Variants in LDLRAD4 observed in about 807,000 individuals in gnomAD.
The protein encoded by LDLRAD4 is low density lipoprotein receptor class A domain containing 4.
In LDLRAD4, 5 loss-of-function variants were observed where a neutral mutation model predicts 17.0. That is an observed-to-expected ratio of 0.29 (90% CI 0.15 to 0.62). LDLRAD4 has a LOEUF of 0.62. Among genes scored for constraint, LDLRAD4 ranks in the 20% least tolerant of loss-of-function variants. LDLRAD4 has a pLI of 0.84. For missense variants in LDLRAD4, 340 were observed against 424.7 expected, an observed-to-expected ratio of 0.80 and a Z score of 1.75; for synonymous variants, 168 against 171.8, an observed-to-expected ratio of 0.98 and a Z score of 0.17.
intron 3 of LDLRAD4, among the ~76,000 whole-genome samples, chr18:13,555,147 G>A (rs1394355553): frequency 6.6e-6 from 1 of 152,192 alleles, no homozygotes; most frequent in Non-Finnish European, 1.5e-5. Flanking sequence ...GCCAAGAGGA[G>A]CCTAAGGAGA....
At chr18:13,539,839 A>G (rs1358719352) in intron 3 of LDLRAD4, among the ~76,000 whole-genome samples, 1 of 152,246 alleles carries the variant, frequency 6.6e-6, no homozygotes, top group Non-Finnish European at 1.5e-5. Flanking sequence ...ATAGTGCATA[A>G]AAAAGAAGTG....
chr18:13,419,429 T>C (rs1473793765), intron 2 of LDLRAD4: 1 of 152,102 alleles, frequency 6.6e-6, no homozygotes, highest in Non-Finnish European at 1.5e-5. Flanking sequence ...TTAGAGACAA[T>C]CTTGCTCCTT....
chr18:13,623,035 G>A (rs891952758), intron 4 of LDLRAD4, among the ~76,000 whole-genome samples: 1 of 152,188 alleles, frequency 6.6e-6, no homozygotes, highest in African/African-American at 2.4e-5. Context: ...TGTTCCTGGT[G>A]CAGACCCAGC....
At chr18:13,253,101 T>G (rs937314647) in intron 1 of LDLRAD4, among the ~76,000 whole-genome samples, 1 of 152,130 alleles carries the variant, frequency 6.6e-6, no homozygotes, top group Non-Finnish European at 1.5e-5. Flanking sequence ...GATACAAATG[T>G]GTGATCACAT....
chr18:13,512,790 C>T (rs952401790), intron 3 of LDLRAD4, among the ~76,000 whole-genome samples: 1 of 152,138 alleles, frequency 6.6e-6, no homozygotes, highest in African/African-American at 2.4e-5. Context: ...CGATACTGTC[C>T]TGGGTATTAC....
chr18:13,597,915 C>T (rs745446350), intron 3 of LDLRAD4, among the ~76,000 whole-genome samples: 1 of 152,218 alleles, frequency 6.6e-6, no homozygotes, highest in Non-Finnish European at 1.5e-5. Flanking sequence ...TTTGATGCAA[C>T]AATGCCATTT....
At chr18:13,279,474 A>G (rs1311266052) in intron 1 of LDLRAD4, 2 of 152,218 alleles carry the variant, frequency 1.3e-5, no homozygotes, top group Non-Finnish European at 2.9e-5. Flanking sequence ...GACCCACCAA[A>G]AACTAGCACT....
Position 13,501,326 on chromosome 18 carries a change from T to C in LDLRAD4, c.181+62942T>C, listed in dbSNP as rs2093610568. The C allele has an allele frequency of 2.6e-5, 4 of 152,238 alleles. No homozygotes were observed. The South Asian group carries it at 6.2e-4, about 24-fold the overall frequency. 9.4% of individuals were successfully genotyped at this position (152,238 alleles called of 1,614,324 possible). ...CTGCAGTAGAAATATTTACCCGATG[T>C]GTCCTGCCAGTGAGAGAGATTTTGG... On this transcript the variant is annotated intron_variant, in intron 3 of 5. Coordinates refer to ENST00000359446, the Ensembl canonical transcript of LDLRAD4.
intron 1 of LDLRAD4, among the ~76,000 whole-genome samples, chr18:13,303,205 C>T (rs1233465187): frequency 1.3e-5 from 2 of 152,206 alleles, no homozygotes; most frequent in Non-Finnish European, 2.9e-5. Flanking sequence ...GATGTCTCGT[C>T]AGATCCGTTG....
exon 6 of LDLRAD4, chr18:13,649,714 T>C (rs918986732): frequency 8.7e-6 from 2 of 230,410 alleles, no homozygotes; most frequent in African/African-American, 2.2e-5. Flanking sequence ...CCATTCATTT[T>C]TTAAAAATTT....
rs1164119537 is a variant in LDLRAD4 at position 13,398,513 on chromosome 18, G to A, written c.40+10751G>A. The stretch of plus-strand genomic sequence containing the variant: ...TCAGAAGAGCTCAGATTTGAGTGTG[G>A]GTCTTGATGGGAAGTAGGAGAGCAG... On this transcript the variant is annotated intron_variant, in intron 2 of 5. Transcript: ENST00000359446. This position sits in a 1 kb window ranked among gnomAD's most constrained non-coding sequence, Gnocchi z 4.8. Among the ~76,000 whole-genome samples the A allele has an allele frequency of 6.6e-6, 1 of 152,178 alleles. No homozygotes were observed. Among genetic ancestry groups the A allele is most frequent in the Admixed American group, 6.5e-5 (1 of 15,280 alleles).
chr18:13,283,792 C>A (rs2045435066), intron 1 of LDLRAD4, among the ~76,000 whole-genome samples: 2 of 152,156 alleles, frequency 1.3e-5, no homozygotes, highest in African/African-American at 4.8e-5. Flanking sequence ...ACCATATTCA[C>A]CCTGCTGATA....
chr18:13,375,037 G>A (rs750561896), intron 1 of LDLRAD4, among the ~76,000 whole-genome samples: 2 of 152,214 alleles, frequency 1.3e-5, no homozygotes, highest in African/African-American at 4.8e-5. Context: ...ATCTTTACCC[G>A]GTTTTTGGCG....
chr18:13,618,153 G>T (rs1299932420), intron 3 of LDLRAD4, among the ~76,000 whole-genome samples: 1 of 152,242 alleles, frequency 6.6e-6, no homozygotes, highest in Non-Finnish European at 1.5e-5. Flanking sequence ...GCCAGTGCAC[G>T]TGTGTTCTTG....
rs1463679913 is a variant in LDLRAD4, at chr18:13,440,765, A to G, written c.181+2381A>G. Among the ~76,000 whole-genome samples the G allele has an allele frequency of 6.6e-6, 1 of 151,424 alleles. No homozygotes were observed. The highest frequency in any genetic ancestry group is 6.6e-5 in the Admixed American group (1 of 15,220). On this transcript the variant is annotated intron_variant, in intron 3 of 5. Transcript: ENST00000359446. This position sits in a 1 kb window ranked among gnomAD's most constrained non-coding sequence, Gnocchi z 4.4. ...TCATCGTGTTGCAGTTGCCATCTCC[A>G]CTCCCCACGTGGCCCTTCCTGGGGA...
At chr18:13,307,141 CACTT>C (rs2046960832) in intron 1 of LDLRAD4, among the ~76,000 whole-genome samples, 1 of 152,128 alleles carries the variant, frequency 6.6e-6, no homozygotes, top group African/African-American at 2.4e-5. Flanking sequence ...TGTTTAGAAA[CACTT>C]AGATAAATGA....
intron 4 of LDLRAD4, among the ~76,000 whole-genome samples, chr18:13,625,315 C>T (rs2041031798): frequency 6.6e-6 from 1 of 152,182 alleles, no homozygotes; most frequent in Non-Finnish European, 1.5e-5. Context: ...TGCTGGAAGC[C>T]TGGAGAGTGG....
chr18:13,505,697 A>G (rs1454029879), intron 3 of LDLRAD4, among the ~76,000 whole-genome samples: 1 of 152,116 alleles, frequency 6.6e-6, no homozygotes, highest in African/African-American at 2.4e-5. Flanking sequence ...GGGCACCTGT[A>G]GTCGCAGCTA....
chr18:13,452,477 T>C (rs185155606), intron 3 of LDLRAD4, among the ~76,000 whole-genome samples: 1 of 151,916 alleles, frequency 6.6e-6, no homozygotes, highest in Middle Eastern at 3.4e-3. Context: ...TCTGCGAGGG[T>C]AGGATCGAGC....
Sources: gnomAD v4.1 joint callset for allele counts (sites outside exome capture counted in the v4.1 genomes callset) on GRCh38, gnomAD v4.1.1 for gene constraint, Gnocchi (gnomAD v3.1) non-coding constraint, MANE v1.5 for transcripts, NCBI Gene and HGNC (gene_info 2026-07-23, HGNC 2026-07-21) for gene names.